TPM4: variants seen among roughly 807,000 people sequenced by gnomAD.
The protein encoded by TPM4 is tropomyosin 4.
TPM4 carries 17 observed loss-of-function variants against 35.8 expected under a neutral mutation model. The ratio of observed to expected loss-of-function variants is 0.47; its 90% confidence interval spans 0.32 to 0.71. The LOEUF (loss-of-function observed/expected upper bound fraction) is 0.71, where lower values mean the gene tolerates loss of function less well. Ranked by LOEUF, TPM4 falls within the 30% of genes least tolerant of loss-of-function variation. The pLI is 0.03. For synonymous variants in TPM4, 120 were observed against 122.9 expected (o/e 0.98, Z 0.15); for missense variants, 240 against 320.9 (o/e 0.75, Z 1.93).
intron 7 of TPM4, among the ~76,000 whole-genome samples, chr19:16,097,061 C>G (rs1038022917): frequency 7.0e-6 from 1 of 142,230 alleles, no homozygotes; most frequent in Non-Finnish European, 1.5e-5. Context: ...TCAAGTGATT[C>G]TCATGCCTCA....
chr19:16,089,241 G>A, intron 5 of TPM4, 121 bp downstream of exon 5: 2 of 1,306,762 alleles, frequency 1.5e-6, no homozygotes, highest in Middle Eastern at 2.7e-4. Context: ...TAGCGTTGGT[G>A]CCTGGCAGCC....
intron 5 of TPM4, among the ~76,000 whole-genome samples, chr19:16,091,600 T>C (rs146936750): frequency 1.1e-3 from 166 of 152,040 alleles, no homozygotes; most frequent in African/African-American, 3.9e-3. Context: ...CATGGAGAGA[T>C]CCCGTCTCTA....
chr19:16,098,316 G>A (rs1352183951), intron 7 of TPM4, among the ~76,000 whole-genome samples: 1 of 152,070 alleles, frequency 6.6e-6, no homozygotes, highest in African/African-American at 2.4e-5. Flanking sequence ...GGTCATGGGG[G>A]CCTGTAATCC....
At chr19:16,075,352 T>C (rs2090393267), upstream of TPM4, 1 of 152,118 alleles carries the variant, frequency 6.6e-6, no homozygotes, top group African/African-American at 2.4e-5. Context: ...GTAGGGGACA[T>C]TTTTATTAAA....
chr19:16,068,167 TGC>T (rs1449335225), intron 2 of TPM4, among the ~76,000 whole-genome samples: 5 of 106,496 alleles, frequency 4.7e-5, no homozygotes, highest in Admixed American at 8.9e-5. Context: ...TGTGCATGTG[TGC>T]GTGTGTGTGT....
At chr19:16,096,084 C>T (rs1013690945) in intron 7 of TPM4, among the ~76,000 whole-genome samples, 3 of 152,118 alleles carry the variant, frequency 2.0e-5, no homozygotes, top group African/African-American at 7.2e-5. Context: ...CACCACCACA[C>T]CTGGCTAATT....
At chr19:16,089,487 G>A (rs1009350081) in intron 5 of TPM4, among the ~76,000 whole-genome samples, 2 of 152,168 alleles carry the variant, frequency 1.3e-5, no homozygotes, top group African/African-American at 4.8e-5. Context: ...ATCAGAGGTG[G>A]AATTGGGCTT....
chr19:16,088,927 G>GC lies in TPM4; in HGVS notation c.456-112dup, dbSNP rs1363697749. Reference sequence around the variant, plus strand: ...AACATTTTCTCCCCACATTCCTTCTGCCCCCCACCGGGGGAGCTGTGTAGG... The same window carrying GC: ...AACATTTTCTCCCCACATTCCTTCTGCCCCCCCACCGGGGGAGCTGTGTAGG... On this transcript the variant is annotated intron_variant, in intron 4 of 7. Transcript: ENST00000643579. 18 of 1,533,888 alleles carry GC rather than the reference G, an allele frequency of 1.2e-5. No homozygotes were observed. The East Asian group carries it at 2.4e-4, about 21-fold the overall frequency.
At chr19:16,075,940 CAGAG>C, upstream of TPM4, 3 of 1,445,520 alleles carry the variant, frequency 2.1e-6, no homozygotes, top group African/African-American at 1.4e-5. Context: ...AACTGATGCC[CAGAG>C]AGAGACGGAG....
upstream of TPM4, chr19:16,076,191 G>C (rs938347451): frequency 6.4e-7 from 1 of 1,552,524 alleles, no homozygotes; most frequent in Non-Finnish European, 8.7e-7. Context: ...GCAGGGATGC[G>C]GGAGCCCGCG....
rs1328421317 is a variant in TPM4, at chr19:16,101,430, T to C, written c.*84T>C. The C allele has an allele frequency of 6.9e-6, 7 of 1,019,956 alleles. No homozygotes were observed. The highest frequency in any genetic ancestry group is 9.8e-6 in the Non-Finnish European group (7 of 717,592). The allele number at this position is 1,019,956 out of a possible 1,614,324, so 63.2% of individuals were successfully genotyped here. ...CTCTTGTAAGAAGTTCCTTTTGTTA[T>C]TGCCATCTTCGCTTTGCTGGAAATG... On this transcript the variant is annotated 3_prime_UTR_variant, in exon 8 of 8. Transcript: ENST00000643579.
intron 7 of TPM4, among the ~76,000 whole-genome samples, chr19:16,099,246 A>G (rs1349998176): frequency 6.6e-6 from 1 of 151,928 alleles, no homozygotes; most frequent in East Asian, 2.0e-4. Flanking sequence ...CACCCGGCTA[A>G]TTTTTTGTAT....
chr19:16,089,024 A>G (rs1259584380), intron 4 of TPM4, 21 bp from the exon 5 acceptor site: 1 of 1,613,748 alleles, frequency 6.2e-7, no homozygotes, highest in Non-Finnish European at 8.5e-7. Flanking sequence ...TAAGACACAA[A>G]AATCCTTTGT....
At chr19:16,089,628 T>G (rs1200670776) in intron 5 of TPM4, among the ~76,000 whole-genome samples, 1 of 151,730 alleles carries the variant, frequency 6.6e-6, no homozygotes, top group Non-Finnish European at 1.5e-5. Flanking sequence ...TTTTGCAGTT[T>G]CACAGACATT....
At position 16,067,592 on chromosome 19, in the gene TPM4, C is replaced by T. The variant is rs747847402; in HGVS notation, c.-33C>T. ...GCCGCAGCCCCCACAGAGCCCGCCG[C>T]GCACCCCACGTCCCCCACGCCAGCG... On this transcript the variant is annotated 5_prime_UTR_variant, in exon 2 of 3. Coordinates refer to the TPM4 transcript ENST00000589897. This position sits in a 1 kb window ranked among gnomAD's most constrained non-coding sequence, Gnocchi z 4.1. 48 of 1,596,880 alleles carry T rather than the reference C, an allele frequency of 3.0e-5. No individual in the cohort carries two copies. Among genetic ancestry groups the T allele is most frequent in the South Asian group, 2.7e-4 (24 of 90,392 alleles).
intron 5 of TPM4, 73 bp downstream of exon 5, chr19:16,089,193 C>T: frequency 6.3e-7 from 1 of 1,591,024 alleles, no homozygotes; most frequent in African/African-American, 1.3e-5. Context: ...GATGCAGGAG[C>T]CTGTCAGGTT....
chr19:16,079,405 G>T (rs60340772), intron 1 of TPM4, among the ~76,000 whole-genome samples: 11,456 of 152,280 alleles, frequency 0.075, 590 homozygotes, highest in Middle Eastern at 0.11. Context: ...ACTGAAGGTG[G>T]TAGGAGGAGT....
In TPM4 at chr19:16,070,238, A is replaced by C. The variant is rs1002403345; in HGVS notation, c.114+2500A>C. Among the ~76,000 whole-genome samples the C allele has an allele frequency of 6.6e-6, 1 of 152,174 alleles. No homozygotes were observed. The highest frequency in any genetic ancestry group is 1.5e-5 in the Non-Finnish European group (1 of 68,016). On this transcript the variant is annotated intron_variant, in intron 2 of 2. Coordinates refer to the TPM4 transcript ENST00000589897. This position sits in a 1 kb window ranked among gnomAD's most constrained non-coding sequence, Gnocchi z 7.4. ...CACACAGACCCAGAACTTTGGAGAC[A>C]AGAGTCCTGGGAACCCTGGCAATGA...
intron 5 of TPM4, among the ~76,000 whole-genome samples, chr19:16,089,743 A>G (rs937740798): frequency 1.4e-5 from 2 of 146,090 alleles, no homozygotes; most frequent in African/African-American, 5.1e-5. Flanking sequence ...ATCATAGTTC[A>G]TTGCAGCCTT....
Sources: gnomAD v4.1 joint callset for allele counts (sites outside exome capture counted in the v4.1 genomes callset) on GRCh38, gnomAD v4.1.1 for gene constraint, Gnocchi (gnomAD v3.1) non-coding constraint, MANE v1.5 for transcripts, NCBI Gene and HGNC (gene_info 2026-07-23, HGNC 2026-07-21) for gene names.